Variants in RFK observed in about 807,000 individuals in gnomAD.
The protein encoded by RFK is riboflavin kinase, also known as 0610038L10Rik.
Under a neutral mutation model 17.6 loss-of-function variants are expected in RFK, and 4 were observed. The observed-to-expected ratio is 0.23, with a 90% CI of 0.11 to 0.52. The LOEUF (loss-of-function observed/expected upper bound fraction) is 0.52, where lower values mean the gene tolerates loss of function less well. RFK is among the 20% of genes least tolerant of loss of function. RFK has a pLI of 0.96. For synonymous variants in RFK, 59 were observed against 63.8 expected, an observed-to-expected ratio of 0.92 and a Z score of 0.36; for missense variants, 189 against 187.7, an observed-to-expected ratio of 1.01 and a Z score of -0.04.
chr9:76,388,522 T>A (rs768831971), intron 3 of RFK, 32 bp downstream of exon 3: 3 of 1,273,392 alleles, frequency 2.4e-6, no homozygotes, highest in Middle Eastern at 2.5e-4. Context: ...GTAGCAGTAG[T>A]AGTATTTAAG....
Position 76,385,873 on chromosome 9 carries a change from TAA to T in RFK, c.*1524_*1525del, listed in dbSNP as rs1468832267. ...CTTTCAAGTATAAGATTTCTAAAAT[TAA>T]AAACTGTTTTTGACATATTTTTATA... On this transcript the variant is annotated 3_prime_UTR_variant, in exon 4 of 4. Coordinates refer to ENST00000376736, the MANE Select transcript of RFK (RefSeq NM_018339.6). 6.6e-6 allele frequency: 1 copy of T among 152,190 alleles called. No individual in the cohort carries two copies. Among genetic ancestry groups the T allele is most frequent in the Non-Finnish European group, 1.5e-5 (1 of 68,024 alleles). 9.4% of individuals were successfully genotyped at this position (152,190 alleles called of 1,614,324 possible).
chr9:76,392,294 A>C lies in RFK; in HGVS notation c.234+124T>G, dbSNP rs1256799646. On this transcript the variant is annotated intron_variant, in intron 2 of 3. Coordinates refer to ENST00000376736, the MANE Select transcript of RFK (RefSeq NM_018339.6). ...TCCAATTAAAAGACAGAGATTGCCCAAAATTCCAGTATTTGAACTACGTTG... is the reference window on the plus strand; with the variant it reads ...TCCAATTAAAAGACAGAGATTGCCCCAAATTCCAGTATTTGAACTACGTTG... 4 of 989,496 alleles carry C rather than the reference A, an allele frequency of 4.0e-6. No individual in the cohort carries two copies. In the East Asian group the frequency reaches 7.2e-5, roughly 18 times the overall value. 61.3% of individuals were successfully genotyped at this position (989,496 alleles called of 1,614,324 possible). A position where few individuals can be genotyped will look rare whatever the true frequency, so the allele number is the denominator to read the frequency against.
Position 76,387,354 on chromosome 9 carries a change from A to G in RFK, c.*45T>C, listed in dbSNP as rs111283014. 1 of 1,558,984 alleles carries G rather than the reference A, an allele frequency of 6.4e-7. No homozygotes were observed. Among genetic ancestry groups the G allele is most frequent in the East Asian group, 2.2e-5 (1 of 44,516 alleles). On this transcript the variant is annotated 3_prime_UTR_variant, in exon 4 of 4. Transcript: ENST00000376736. ...GATGATGCTGAACAGTAATAAACAC[A>G]GAAACACTAGAAAACAGTGAATGAA...
rs1822732420 is a variant in RFK, at chr9:76,386,379, G to C, written c.*1020C>G. 6.6e-6 allele frequency: 1 copy of C among 152,016 alleles called. No individual in the cohort carries two copies. The highest frequency in any genetic ancestry group is 6.6e-5 in the Admixed American group (1 of 15,262). The allele number at this position is 152,016 out of a possible 1,614,324, so 9.4% of individuals were successfully genotyped here. A position where few individuals can be genotyped will look rare whatever the true frequency, so the allele number is the denominator to read the frequency against. ...AAAATAATTTTATAACTATTTCATA[G>C]TTTAATTGGCTCTTAAATAGTTTTG... is the stretch of plus-strand genomic sequence containing the variant. On this transcript the variant is annotated 3_prime_UTR_variant, in exon 4 of 4. Transcript: ENST00000376736.
chr9:76,393,021 C>A (rs2131555514), intron 1 of RFK, among the ~76,000 whole-genome samples: 1 of 152,298 alleles, frequency 6.6e-6, no homozygotes, highest in Non-Finnish European at 1.5e-5. Context: ...CTTCCATTTT[C>A]CGGCTCAGAT....
Position 76,394,191 on chromosome 9 carries a change from A to G in RFK, c.-20T>C, listed in dbSNP as rs1352836153. 2 of 1,571,214 alleles carry G rather than the reference A, an allele frequency of 1.3e-6. No individual in the cohort carries two copies. Among genetic ancestry groups the G allele is most frequent in the Non-Finnish European group, 1.7e-6 (2 of 1,160,238 alleles). On this transcript the variant is annotated 5_prime_UTR_variant, in exon 1 of 4. Coordinates refer to ENST00000376736, the MANE Select transcript of RFK (RefSeq NM_018339.6). ...CCTCATAATGCAGTCCGCTCGGGGA[A>G]TGGGCTGCGGCCCGGTCTGCGCGTC...
intron 2 of RFK, 81 bp downstream of exon 2, chr9:76,392,337 C>T (rs773240214): frequency 9.4e-5 from 135 of 1,433,140 alleles, no homozygotes; most frequent in Non-Finnish European, 1.2e-4. Context: ...CACTGATAAG[C>T]TATTTCTGTA....
Position 76,392,494 on chromosome 9 carries a change from A to G in RFK, c.158T>C (p.Val53Ala). 1.2e-6 allele frequency: 2 copies of G among 1,614,130 alleles called. No homozygotes were observed. The highest frequency in any genetic ancestry group is 8.5e-7 in the Non-Finnish European group (1 of 1,179,988). ...STGIYYGWAS[V>A]GSGDVHKMVV... ...CATCTTATGGACATCTCCACTTCCA[A>G]CACTGGCCCAACCATAGTAAATACC... The change falls in exon 2 of 4, where the codon GTT (valine) becomes GCT (alanine). Residue 53 changes from valine to alanine, a missense_variant. Around this residue, in one of 3 missense-constraint regions of RFK, gnomAD observed 90 missense variants for 75.4 expected, o/e 1.19. Transcript: ENST00000376736.
chr9:76,387,650 C>T (rs1382050633), intron 3 of RFK, 121 bp from the exon 4 acceptor site: 1 of 873,234 alleles, frequency 1.1e-6, no homozygotes, highest in South Asian at 1.7e-5. Flanking sequence ...AGGGTAGATA[C>T]CCAATAAATG....
Position 76,387,201 on chromosome 9 carries a change from T to C in RFK, c.*198A>G. On this transcript the variant is annotated 3_prime_UTR_variant, in exon 4 of 4. Coordinates refer to ENST00000376736, the MANE Select transcript of RFK (RefSeq NM_018339.6). Reference sequence around the variant, plus strand: ...ATATTTTTTAAATCTTATTTTTAACTCAATCTTTTTAGTGCTATGATATGA... The same window carrying C: ...ATATTTTTTAAATCTTATTTTTAACCCAATCTTTTTAGTGCTATGATATGA... 1 of 447,574 alleles carries C rather than the reference T, an allele frequency of 2.2e-6. No homozygotes were observed. The highest frequency in any genetic ancestry group is 4.0e-6 in the Non-Finnish European group (1 of 252,458). 27.7% of individuals were successfully genotyped at this position (447,574 alleles called of 1,614,324 possible). A position where few individuals can be genotyped will look rare whatever the true frequency, so the allele number is the denominator to read the frequency against.
At chr9:76,392,978 C>T (rs750538591) in intron 1 of RFK, among the ~76,000 whole-genome samples, 2 of 152,174 alleles carry the variant, frequency 1.3e-5, no homozygotes, top group Non-Finnish European at 2.9e-5. Flanking sequence ...TCACAAGACT[C>T]CTACAACTTT....
In RFK at chr9:76,386,183, CCA is replaced by C. The variant is rs2131552527; in HGVS notation, c.*1214_*1215del. 6.6e-6 allele frequency: 1 copy of C among 152,206 alleles called. No individual in the cohort carries two copies. The highest frequency in any genetic ancestry group is 2.4e-5 in the African/African-American group (1 of 41,548). 9.4% of individuals were successfully genotyped at this position (152,206 alleles called of 1,614,324 possible). On this transcript the variant is annotated 3_prime_UTR_variant, in exon 4 of 4. Coordinates refer to ENST00000376736, the MANE Select transcript of RFK (RefSeq NM_018339.6). The stretch of plus-strand genomic sequence containing the variant: ...CCAAAGCATCTGTAATCTTAATTTC[CCA>C]CATATTAGTTAGTAGGAGGAAAAAT...
At chr9:76,389,579 G>C (rs946178683) in intron 2 of RFK, among the ~76,000 whole-genome samples, 1 of 152,042 alleles carries the variant, frequency 6.6e-6, no homozygotes, top group Non-Finnish European at 1.5e-5. Context: ...GGCCAACATG[G>C]TGGAACCCGG....
chr9:76,386,721 G>A lies in RFK; in HGVS notation c.*678C>T, dbSNP rs1822737168. 2 of 152,194 alleles carry A rather than the reference G, an allele frequency of 1.3e-5. No individual in the cohort carries two copies. The highest frequency in any genetic ancestry group is 4.1e-4 in the South Asian group (2 of 4,834). 9.4% of individuals were successfully genotyped at this position (152,194 alleles called of 1,614,324 possible). On this transcript the variant is annotated 3_prime_UTR_variant, in exon 4 of 4. Transcript: ENST00000376736. ...ACAATAATGAAGGTGGTACAATGATGTGACTGCAAAGAAAATGACTAAAAC... is the reference window on the plus strand; with the variant it reads ...ACAATAATGAAGGTGGTACAATGATATGACTGCAAAGAAAATGACTAAAAC...
rs1360530426 is a variant in RFK at position 76,386,074 on chromosome 9, TTCTA to T, written c.*1321_*1324del. On this transcript the variant is annotated 3_prime_UTR_variant, in exon 4 of 4. Coordinates refer to ENST00000376736, the MANE Select transcript of RFK (RefSeq NM_018339.6). ...ATAATAAATTAACTTTAAAATTACC[TTCTA>T]TCTGCTTCTACCTCTATCCCCCCAT... The T allele has an allele frequency of 6.6e-6, 1 of 152,178 alleles. No homozygotes were observed. The highest frequency in any genetic ancestry group is 1.5e-5 in the Non-Finnish European group (1 of 68,022). 9.4% of individuals were successfully genotyped at this position (152,178 alleles called of 1,614,324 possible). A position where few individuals can be genotyped will look rare whatever the true frequency, so the allele number is the denominator to read the frequency against.
intron 1 of RFK, 55 bp from the exon 2 acceptor site, chr9:76,392,624 T>C: frequency 1.3e-6 from 2 of 1,564,896 alleles, no homozygotes; most frequent in Non-Finnish European, 1.8e-6. Flanking sequence ...TAAATGCCTG[T>C]AGCCGAGTGC....
chr9:76,389,812 T>C (rs1409443358), intron 2 of RFK, among the ~76,000 whole-genome samples: 1 of 152,144 alleles, frequency 6.6e-6, no homozygotes, highest in Admixed American at 6.6e-5. Context: ...TGTAAGACCC[T>C]GACACTGACA....
chr9:76,387,357 A>C lies in RFK; in HGVS notation c.*42T>G. ...GATGCTGAACAGTAATAAACACAGA[A>C]ACACTAGAAAACAGTGAATGAATAA... On this transcript the variant is annotated 3_prime_UTR_variant, in exon 4 of 4. Coordinates refer to ENST00000376736, the MANE Select transcript of RFK (RefSeq NM_018339.6). 3 of 1,565,946 alleles carry C rather than the reference A, an allele frequency of 1.9e-6. No homozygotes were observed. The highest frequency in any genetic ancestry group is 2.6e-6 in the Non-Finnish European group (3 of 1,149,686).
At chr9:76,393,990 G>C in intron 1 of RFK, 100 bp downstream of exon 1, 1 of 1,107,356 alleles carries the variant, frequency 9.0e-7, no homozygotes, top group East Asian at 2.8e-5. Flanking sequence ...CTCTGCCCGC[G>C]GTCCGGAGGC....
Sources: allele counts gnomAD v4.1 joint callset (sites outside exome capture counted in the v4.1 genomes callset), GRCh38; gene constraint gnomAD v4.1.1; regional missense constraint gnomAD v4.1.1; transcripts MANE v1.5; gene names NCBI Gene and HGNC (gene_info 2026-07-23, HGNC 2026-07-21).